DECR1: variants seen among roughly 807,000 people sequenced by gnomAD.
DECR1 encodes 2,4-dienoyl-CoA reductase [(3E)-enoyl-CoA-producing], mitochondrial.
DECR1 carries 44 observed loss-of-function variants against 38.8 expected under a neutral mutation model. The observed-to-expected ratio is 1.13, with a 90% CI of 0.89 to 1.46. DECR1 has a LOEUF of 1.46. Among genes scored for constraint, DECR1 ranks in the 40% most tolerant of loss-of-function variants. The pLI is 0.00. For synonymous variants in DECR1, 148 were observed against 135.2 expected, an observed-to-expected ratio of 1.09 and a Z score of -0.66; for missense variants, 428 against 405.5, an observed-to-expected ratio of 1.06 and a Z score of -0.48.
At chr8:90,036,336 A>G (rs1586159019) in intron 5 of DECR1, among the ~76,000 whole-genome samples, 2 of 151,926 alleles carry the variant, frequency 1.3e-5, no homozygotes, top group South Asian at 2.1e-4. Context: ...GGGCTTAGTC[A>G]TTTTCCTTCT....
intron 4 of DECR1, among the ~76,000 whole-genome samples, chr8:90,020,687 C>T (rs1813131369): frequency 6.6e-6 from 1 of 152,184 alleles, no homozygotes; most frequent in South Asian, 2.1e-4. Flanking sequence ...ATAAGAGAAT[C>T]TACCCTAATT....
chr8:90,036,880 C>T lies in DECR1; in HGVS notation c.605C>T (p.Thr202Ile). The T allele has an allele frequency of 1.2e-6, 2 of 1,613,556 alleles. No homozygotes were observed. Among genetic ancestry groups the T allele is most frequent in the Non-Finnish European group, 1.7e-6 (2 of 1,179,736 alleles). The change falls in exon 6 of 10, where the codon ACT becomes ATT. Residue 202 changes from threonine to isoleucine, a missense_variant. Transcript: ENST00000220764. ...TCTATTACTACTATCTATGCTGAGA[C>T]TGGTTCAGGTTTTGTAGTACCAAGT... ...FLSITTIYAE[T>I]GSGFVVPSAS...
chr8:90,018,688 A>G, intron 2 of DECR1: 1 of 443,828 alleles, frequency 2.3e-6, no homozygotes, highest in Non-Finnish European at 4.1e-6. Context: ...AGATAATGTT[A>G]AAGTAAACTG....
rs376239724 is a variant in DECR1, at chr8:90,018,876, T to C, written c.273-33T>C. The C allele has an allele frequency of 3.2e-5, 48 of 1,490,554 alleles. 1 individual carries two copies. The highest frequency in any genetic ancestry group is 4.4e-5 in the Non-Finnish European group (48 of 1,083,664). 92.3% of individuals were successfully genotyped at this position (1,490,554 alleles called of 1,614,324 possible). On this transcript the variant is annotated intron_variant, in intron 2 of 9. Transcript: ENST00000220764. ...CTTCAATTTATGAAATTGAAAAATA[T>C]AATATGAAGTCATACAAGGTGTTTA...
chr8:90,021,095 G>C (rs778011226), intron 5 of DECR1, 39 bp downstream of exon 5: 2 of 1,516,806 alleles, frequency 1.3e-6, no homozygotes, highest in Non-Finnish European at 1.8e-6. Context: ...TTTGGCTTCT[G>C]TGTGTGCAAG....
At chr8:90,021,518 A>G (rs1805884) in intron 5 of DECR1, among the ~76,000 whole-genome samples, 11,165 of 152,274 alleles carry the variant, frequency 0.073, 725 homozygotes, top group African/African-American at 0.17. Context: ...GAGAGTTCTC[A>G]ATACCAAAAT....
chr8:90,031,722 G>T (rs912473705), intron 5 of DECR1, among the ~76,000 whole-genome samples: 18 of 152,084 alleles, frequency 1.2e-4, no homozygotes, highest in African/African-American at 4.3e-4. Flanking sequence ...TTGTCAGTAA[G>T]ATTAATTGCT....
At chr8:90,017,468 TA>T (rs1332388865) in intron 2 of DECR1, 142 bp downstream of exon 2, 2 of 517,916 alleles carry the variant, frequency 3.9e-6, no homozygotes, top group Non-Finnish European at 6.4e-6. Flanking sequence ...TTAGATTATT[TA>T]AATACATCTT....
At position 90,052,855 on chromosome 8, in the gene DECR1, C is replaced by T. The variant is rs1814131376; in HGVS notation, c.*958C>T. 6.6e-6 allele frequency among the ~76,000 whole-genome samples: 1 copy of T among 152,148 alleles called. No individual in the cohort carries two copies. Among genetic ancestry groups the T allele is most frequent in the Non-Finnish European group, 1.5e-5 (1 of 68,030 alleles). On this transcript the variant is annotated 3_prime_UTR_variant, in exon 10 of 10. Coordinates refer to ENST00000220764, the MANE Select transcript of DECR1 (RefSeq NM_001359.2). ...CCAGGAGTCAGTTACAACATGTTCA[C>T]TAGACTGACTATCCCCATTGCCCAA...
intron 5 of DECR1, among the ~76,000 whole-genome samples, chr8:90,036,599 C>T (rs1813621205): frequency 6.6e-6 from 1 of 152,156 alleles, no homozygotes; most frequent in African/African-American, 2.4e-5. Context: ...TTCGTATTGA[C>T]TCGCCAGGCA....
intron 8 of DECR1, among the ~76,000 whole-genome samples, chr8:90,045,919 C>A (rs1813888264): frequency 6.6e-6 from 1 of 152,212 alleles, no homozygotes; most frequent in African/African-American, 2.4e-5. Context: ...CCCAGGCAAA[C>A]AGTGTCTGCA....
Position 90,019,176 on chromosome 8 carries a change from A to AG in DECR1, c.417+5dup. 1 of 1,613,180 alleles carries AG rather than the reference A, an allele frequency of 6.2e-7. No individual in the cohort carries two copies. The highest frequency in any genetic ancestry group is 8.5e-7 in the Non-Finnish European group (1 of 1,179,176). On this transcript the variant is annotated splice_donor_region_variant and intron_variant, in intron 4 of 9. Transcript: ENST00000220764. ...CAAAGTTGCAGGACATCCTAATGTA[A>AG]GTGTAGCAATGATGAAGCCAAAGTG... is the stretch of plus-strand genomic sequence containing the variant.
At chr8:90,020,450 A>G (rs1813124861) in intron 4 of DECR1, among the ~76,000 whole-genome samples, 3 of 152,334 alleles carry the variant, frequency 2.0e-5, no homozygotes, top group African/African-American at 4.8e-5. Flanking sequence ...TGCAAGTGGC[A>G]CAATCACGGC....
intron 5 of DECR1, among the ~76,000 whole-genome samples, chr8:90,034,193 A>G (rs992040461): frequency 2.6e-5 from 4 of 152,210 alleles, no homozygotes; most frequent in African/African-American, 9.7e-5. Context: ...AGAAAGAGAA[A>G]CTAAATATAT....
At chr8:90,051,620 G>C in intron 8 of DECR1, 57 bp from the exon 9 acceptor site, 4 of 1,429,494 alleles carry the variant, frequency 2.8e-6, no homozygotes, top group Non-Finnish European at 3.9e-6. Flanking sequence ...ATGGCTAGTG[G>C]TTCAGAAACT....
At chr8:90,051,310 GGA>G (rs912576519) in intron 8 of DECR1, among the ~76,000 whole-genome samples, 6 of 151,694 alleles carry the variant, frequency 4.0e-5, no homozygotes, top group East Asian at 1.9e-4. Flanking sequence ...ATAAAGAGAG[GGA>G]GAGAGAGAAA....
At chr8:90,042,659 C>G in intron 6 of DECR1, 69 bp from the exon 7 acceptor site, 1 of 1,326,752 alleles carries the variant, frequency 7.5e-7, no homozygotes, top group Non-Finnish European at 1.1e-6. Flanking sequence ...TCTAGTGAGT[C>G]TCAGTTATTA....
chr8:90,032,326 A>G (rs905938362), intron 5 of DECR1, among the ~76,000 whole-genome samples: 1 of 152,222 alleles, frequency 6.6e-6, no homozygotes, highest in Admixed American at 6.6e-5. Flanking sequence ...CAATACCACA[A>G]TATGTCTTTC....
rs777381503 is a variant in DECR1, at chr8:90,044,816, C to T, written c.739-33C>T. On this transcript the variant is annotated intron_variant, in intron 7 of 9. Transcript: ENST00000220764. ...TAGGAAAGGAATTGATTGAAAAACC[C>T]GACACAACCTAATTGTTTTCTTAAT... The T allele has an allele frequency of 5.7e-5, 89 of 1,573,948 alleles. No homozygotes were observed. In the East Asian group the frequency reaches 8.9e-4, roughly 16 times the overall value.
Sources: allele counts gnomAD v4.1 joint callset (sites outside exome capture counted in the v4.1 genomes callset), GRCh38; gene constraint gnomAD v4.1.1; transcripts MANE v1.5; gene names NCBI Gene and HGNC (gene_info 2026-07-23, HGNC 2026-07-21).